PARD3B: variants seen among roughly 807,000 people sequenced by gnomAD.
The protein encoded by PARD3B is partitioning defective 3 homolog B.
PARD3B carries 103 observed loss-of-function variants against 130.2 expected under a neutral mutation model. The ratio of observed to expected loss-of-function variants is 0.79; its 90% CI spans 0.67 to 0.93. The LOEUF is 0.93. Ranked by LOEUF, PARD3B falls within the 40% of genes least tolerant of loss-of-function variation. The pLI is 0.00. For missense variants in PARD3B, 1,609 were observed against 1,499.2 expected, an observed-to-expected ratio of 1.07 and a Z score of -1.21; for synonymous variants, 583 against 553.2, an observed-to-expected ratio of 1.05 and a Z score of -0.76.
At chr2:204,762,480 C>G (rs1049600958) in intron 2 of PARD3B, among the ~76,000 whole-genome samples, 3 of 151,732 alleles carry the variant, frequency 2.0e-5, no homozygotes, top group African/African-American at 7.3e-5. Context: ...GCTCAAGAGG[C>G]AGGATTTCTA....
Position 205,176,763 on chromosome 2 carries a change from TG to T in PARD3B, c.1924+188del, listed in dbSNP as rs1407034321. 6.6e-6 allele frequency among the ~76,000 whole-genome samples: 1 copy of T among 152,164 alleles called. No individual in the cohort carries two copies. Among genetic ancestry groups the T allele is most frequent in the Admixed American group, 6.5e-5 (1 of 15,276 alleles). On this transcript the variant is annotated intron_variant, in intron 13 of 22. Transcript: ENST00000406610. This position sits in a 1 kb window ranked among gnomAD's most constrained non-coding sequence, Gnocchi z 5.3. Reference sequence around the variant, plus strand: ...ACTCAGAACTTGTGAATCAGATTCCTGGCAATGTCTCTAGTTTAAGTGACAC... The same window carrying T: ...ACTCAGAACTTGTGAATCAGATTCCTGCAATGTCTCTAGTTTAAGTGACAC...
intron 2 of PARD3B, among the ~76,000 whole-genome samples, chr2:204,706,378 A>G (rs1188344682): frequency 6.7e-6 from 1 of 148,280 alleles, no homozygotes; most frequent in Non-Finnish European, 1.5e-5. Flanking sequence ...AAAAAAAAAA[A>G]AGAAAAAGAA....
At chr2:205,119,391 T>C (rs1349154564) in intron 7 of PARD3B, among the ~76,000 whole-genome samples, 1 of 152,130 alleles carries the variant, frequency 6.6e-6, no homozygotes. Flanking sequence ...AGCTTATTAA[T>C]TAACTTTCTT....
intron 18 of PARD3B, among the ~76,000 whole-genome samples, chr2:205,336,927 T>C (rs924500798): frequency 2.6e-5 from 4 of 151,778 alleles, no homozygotes; most frequent in South Asian, 2.1e-4. Flanking sequence ...TGGGGTTGGC[T>C]CTTTCCTTAG....
intron 2 of PARD3B, among the ~76,000 whole-genome samples, chr2:204,762,192 G>T (rs1403032814): frequency 6.9e-6 from 1 of 145,496 alleles, no homozygotes; most frequent in African/African-American, 2.6e-5. Context: ...CACAATCTCG[G>T]CTGACTGCAA....
chr2:205,244,400 A>G lies in PARD3B; in HGVS notation c.2141-1378A>G, dbSNP rs561558706. ...ATAAACAGCTTTTGTTGAATATTAA[A>G]GTGATGATCTATGCAGAGATGCTTA... is the stretch of plus-strand genomic sequence containing the variant. On this transcript the variant is annotated intron_variant, in intron 15 of 22. Transcript: ENST00000406610. This position sits in a 1 kb window ranked among gnomAD's most constrained non-coding sequence, Gnocchi z 4.7. 6.6e-6 allele frequency among the ~76,000 whole-genome samples: 1 copy of G among 152,358 alleles called. No homozygotes were observed. The highest frequency in any genetic ancestry group is 1.9e-4 in the East Asian group (1 of 5,190).
Position 205,278,619 on chromosome 2 carries a change from C to T in PARD3B, c.2186-21911C>T, listed in dbSNP as rs75787550. Reference sequence around the variant, plus strand: ...ATAAATAAAACAATTGCTGAGCACTCGAGAGACTTGTGTGCCTCTTCCACG... The same window carrying T: ...ATAAATAAAACAATTGCTGAGCACTTGAGAGACTTGTGTGCCTCTTCCACG... On this transcript the variant is annotated intron_variant, in intron 16 of 22. Coordinates refer to ENST00000406610, the MANE Select transcript of PARD3B (RefSeq NM_001302769.2). 1.1e-4 allele frequency among the ~76,000 whole-genome samples: 17 copies of T among 152,214 alleles called. No homozygotes were observed. In the East Asian group the frequency reaches 2.9e-3, roughly 26 times the overall value.
chr2:204,648,977 G>A (rs12694007), intron 1 of PARD3B, among the ~76,000 whole-genome samples: 1 of 12,476 alleles, frequency 8.0e-5, no homozygotes, highest in Non-Finnish European at 1.1e-4. Context: ...ATTTATAATA[G>A]ATATCATATA....
chr2:204,798,251 C>T (rs115289437), intron 2 of PARD3B, among the ~76,000 whole-genome samples: 144 of 152,218 alleles, frequency 9.5e-4, no homozygotes, highest in Non-Finnish European at 1.6e-3. Flanking sequence ...GGAGAGAGAA[C>T]GCGGTTCCTT....
rs2055492072 is a variant in PARD3B, at chr2:205,618,100, G to T, written c.*2287G>T. 1 of 152,140 alleles carries T rather than the reference G, an allele frequency of 6.6e-6. No individual in the cohort carries two copies. The highest frequency in any genetic ancestry group is 1.5e-5 in the Non-Finnish European group (1 of 68,028). The allele number at this position is 152,140 out of a possible 1,614,324, so 9.4% of individuals were successfully genotyped here. ...CTCAGGGTAAACTGCTCCAAAGCTG[G>T]GTTTTGTGTTGCATACAAAGTCAAT... On this transcript the variant is annotated 3_prime_UTR_variant, in exon 23 of 23. Coordinates refer to ENST00000406610, the MANE Select transcript of PARD3B (RefSeq NM_001302769.2).
intron 2 of PARD3B, among the ~76,000 whole-genome samples, chr2:204,930,962 T>C (rs1176670963): frequency 6.6e-6 from 1 of 152,136 alleles, no homozygotes; most frequent in Non-Finnish European, 1.5e-5. Context: ...AGGGCACAGA[T>C]GATAATACAG....
intron 1 of PARD3B, among the ~76,000 whole-genome samples, chr2:204,620,866 A>G (rs942349679): frequency 6.6e-6 from 1 of 152,142 alleles, no homozygotes; most frequent in African/African-American, 2.4e-5. Context: ...AGGAGTTTGA[A>G]GAAGTTGCGT....
At chr2:205,354,431 C>T (rs1023592224) in intron 18 of PARD3B, among the ~76,000 whole-genome samples, 1 of 150,750 alleles carries the variant, frequency 6.6e-6, no homozygotes, top group African/African-American at 2.4e-5. Flanking sequence ...GCACGTTGTG[C>T]GCATATACCC....
At chr2:205,117,252 G>T (rs560629536) in intron 6 of PARD3B, among the ~76,000 whole-genome samples, 1 of 152,262 alleles carries the variant, frequency 6.6e-6, no homozygotes, top group Non-Finnish European at 1.5e-5. Flanking sequence ...CAAGATTAAA[G>T]TAACACAGAA....
chr2:204,760,080 A>G (rs948862643), intron 2 of PARD3B, among the ~76,000 whole-genome samples: 3 of 152,236 alleles, frequency 2.0e-5, no homozygotes, highest in African/African-American at 7.2e-5. Context: ...GCTGAGCATT[A>G]AAGTAGCCAA....
At chr2:204,666,929 G>A (rs1007342958) in intron 1 of PARD3B, among the ~76,000 whole-genome samples, 1 of 152,260 alleles carries the variant, frequency 6.6e-6, no homozygotes. Flanking sequence ...ATCTAGGACT[G>A]AGTGAACATT....
intron 2 of PARD3B, among the ~76,000 whole-genome samples, chr2:204,856,192 A>G (rs1293974058): frequency 6.6e-6 from 1 of 152,118 alleles, no homozygotes; most frequent in African/African-American, 2.4e-5. Context: ...CCTTTCCTCC[A>G]TATCTTCACC....
intron 2 of PARD3B, among the ~76,000 whole-genome samples, chr2:204,945,191 C>T (rs924020725): frequency 5.3e-5 from 8 of 152,148 alleles, no homozygotes; most frequent in African/African-American, 1.9e-4. Flanking sequence ...GCAAGGCCAT[C>T]GAGCAAGGAG....
At chr2:205,293,140 A>C (rs2041669870) in intron 16 of PARD3B, among the ~76,000 whole-genome samples, 1 of 152,200 alleles carries the variant, frequency 6.6e-6, no homozygotes, top group African/African-American at 2.4e-5. Flanking sequence ...ATTTAACCTT[A>C]AAAAATACAG....
Sources: allele counts gnomAD v4.1 joint callset (sites outside exome capture counted in the v4.1 genomes callset), GRCh38; gene constraint gnomAD v4.1.1; non-coding constraint Gnocchi (gnomAD v3.1); transcripts MANE v1.5; gene names NCBI Gene and HGNC (gene_info 2026-07-23, HGNC 2026-07-21).